Variants in NUBP2 observed in about 807,000 individuals in gnomAD.
NUBP2 encodes cytosolic Fe-S cluster assembly factor NUBP2.
A neutral mutation model predicts 24.9 loss-of-function variants in NUBP2; 23 were observed. That is an observed-to-expected ratio of 0.92 (90% CI 0.66 to 1.31). The LOEUF (loss-of-function observed/expected upper bound fraction) is 1.31. NUBP2 is among the 50% of genes most tolerant of loss of function. The pLI is 0.00. For synonymous variants in NUBP2, 186 were observed against 170.9 expected (o/e 1.09, Z -0.69); for missense variants, 403 against 386.5 (o/e 1.04, Z -0.36).
Position 1,786,821 on chromosome 16 carries a change from GGGCTGTGCACCAGTGCGACCGC to G in NUBP2, c.206_227del (p.Val69GlyfsTer38), listed in dbSNP as rs1896995902. ...CCCCGCATGCTCGGGGCGCAGGGCAGGGCTGTGCACCAGTGCGACCGCGGCTGGGCACCCGTCTTCCTGGACC... is the reference window on the plus strand; with the variant it reads ...CCCCGCATGCTCGGGGCGCAGGGCAGGGCTGGGCACCCGTCTTCCTGGACC... On this transcript the variant is annotated frameshift_variant, in exon 3 of 7. Transcript: ENST00000262302. LOFTEE classifies it high-confidence loss of function. 1 of 1,608,278 alleles carries G rather than the reference GGGCTGTGCACCAGTGCGACCGC, an allele frequency of 6.2e-7. No homozygotes were observed. Among genetic ancestry groups the G allele is most frequent in the Non-Finnish European group, 8.5e-7 (1 of 1,177,014 alleles).
rs765369327 is a variant in NUBP2 at position 1,786,668 on chromosome 16, C to G, written c.135+13C>G. The G allele has an allele frequency of 6.2e-7, 1 of 1,612,202 alleles. No homozygotes were observed. The highest frequency in any genetic ancestry group is 8.5e-7 in the Non-Finnish European group (1 of 1,179,464). The stretch of plus-strand genomic sequence containing the variant: ...TGCAGGCAAGAAGGTGAGCGCCCTA[C>G]CCCTCACTGGGCGGAGCCCCGGGCA... On this transcript the variant is annotated intron_variant, in intron 2 of 6. Coordinates refer to ENST00000262302, the MANE Select transcript of NUBP2 (RefSeq NM_012225.4).
At chr16:1,785,219 C>G in intron 1 of NUBP2, 1 of 1,010,996 alleles carries the variant, frequency 9.9e-7, no homozygotes, top group Non-Finnish European at 1.2e-6. Context: ...GCCCCACTGC[C>G]CCACCCGGCA....
chr16:1,787,588 T>C, intron 3 of NUBP2, 89 bp from the exon 4 acceptor site: 3 of 1,532,602 alleles, frequency 2.0e-6, no homozygotes, highest in South Asian at 1.2e-5. Context: ...CTGCAGCCCC[T>C]CGGCCTGACC....
At chr16:1,783,589 A>C (rs1002250848) in intron 1 of NUBP2, 1 of 724,910 alleles carries the variant, frequency 1.4e-6, no homozygotes, top group African/African-American at 1.9e-5. Context: ...GAGTAGTGGG[A>C]GCCGCATTTA....
chr16:1,785,428 G>T, intron 1 of NUBP2: 1 of 1,181,312 alleles, frequency 8.5e-7, no homozygotes, highest in East Asian at 5.9e-5. Context: ...AGCCCCTGGG[G>T]GTTAACACTG....
At chr16:1,784,186 G>A in intron 1 of NUBP2, 1 of 289,668 alleles carries the variant, frequency 3.5e-6, no homozygotes, top group Non-Finnish European at 5.1e-6. Context: ...GACCTCCTGG[G>A]CTCAAGCGAC....
intron 2 of NUBP2, 26 bp from the exon 3 acceptor site, chr16:1,786,731 G>A (rs778574737): frequency 1.7e-5 from 28 of 1,611,244 alleles, no homozygotes; most frequent in Middle Eastern, 1.6e-4. Flanking sequence ...CGGTGCCCCC[G>A]GCCTAGGCTG....
chr16:1,783,183 G>A, intron 1 of NUBP2, 147 bp downstream of exon 1: 1 of 1,178,932 alleles, frequency 8.5e-7, no homozygotes, highest in Non-Finnish European at 1.0e-6. Flanking sequence ...AGGCCGCGGC[G>A]CGGGCATTTT....
chr16:1,788,445 G>A (rs1897095069), intron 6 of NUBP2, 124 bp from the exon 7 acceptor site: 1 of 1,374,302 alleles, frequency 7.3e-7, no homozygotes, highest in Non-Finnish European at 9.5e-7. Flanking sequence ...GTCTGGAGGT[G>A]GAAATCGTCT....
At chr16:1,787,490 G>A in intron 3 of NUBP2, 187 bp from the exon 4 acceptor site, 1 of 752,160 alleles carries the variant, frequency 1.3e-6, no homozygotes, top group Non-Finnish European at 2.2e-6. Flanking sequence ...CGCTGTAATG[G>A]CCCCGGCCCC....
chr16:1,785,103 T>C (rs1332164679), intron 1 of NUBP2: 3 of 986,206 alleles, frequency 3.0e-6, no homozygotes, highest in South Asian at 4.7e-5. Flanking sequence ...CCACGTGGAA[T>C]GATCTGGATT....
chr16:1,786,592 G>A lies in NUBP2; in HGVS notation c.72G>A (p.Gly24=), dbSNP rs1288525276. 6.2e-7 allele frequency: 1 copy of A among 1,612,314 alleles called. No homozygotes were observed. The highest frequency in any genetic ancestry group is 1.7e-5 in the Admixed American group (1 of 59,986). The part of the protein sequence containing the change: ...RHIILVLSGK[G]GVGKSTISTE... Reference sequence around the variant, plus strand: ...TCATCCTGGTCCTCTCAGGAAAGGGGGGCGTTGGGAAAAGCACCATCTCCA... The same window carrying A: ...TCATCCTGGTCCTCTCAGGAAAGGGAGGCGTTGGGAAAAGCACCATCTCCA... Residue 24 remains glycine (G), a synonymous_variant, in exon 2 of 7, where the codon GGG becomes GGA. Transcript: ENST00000262302.
Position 1,788,195 on chromosome 16 carries a change from G to T in NUBP2, c.658G>T (p.Val220Leu). ...AGAGGAGCTGGCCCAGCTCGCCGGGGTGCCCTTCTTAGGTGAGTGTCCCAA... is the reference window on the plus strand; with the variant it reads ...AGAGGAGCTGGCCCAGCTCGCCGGGTTGCCCTTCTTAGGTGAGTGTCCCAA... Reference protein sequence around the residue: ...GGEELAQLAGVPFLGSVPLDP... With the variant: ...GGEELAQLAGLPFLGSVPLDP... Residue 220 changes from valine (V) to leucine (L), a missense_variant, in exon 6 of 7, where the codon GTG becomes TTG. By Grantham distance (32) the Val-to-Leu change is conservative. Transcript: ENST00000262302. The T allele has an allele frequency of 4.0e-6, 6 of 1,500,928 alleles. No individual in the cohort carries two copies. The highest frequency in any genetic ancestry group is 1.3e-5 in the South Asian group (1 of 75,482). 93.0% of individuals were successfully genotyped at this position (1,500,928 alleles called of 1,614,324 possible). A position where few individuals can be genotyped will look rare whatever the true frequency, so the allele number is the denominator to read the frequency against.
At chr16:1,784,895 G>C (rs1156544921) in intron 1 of NUBP2, 1 of 158,542 alleles carries the variant, frequency 6.3e-6, no homozygotes, top group Non-Finnish European at 1.3e-5. Flanking sequence ...AAATTAGCTG[G>C]GCATGGTGGC....
chr16:1,786,241 C>G, intron 1 of NUBP2: 1 of 449,256 alleles, frequency 2.2e-6, no homozygotes, highest in East Asian at 4.0e-5. Context: ...CACGAAGGAA[C>G]GCATGCACCC....
At position 1,787,769 on chromosome 16, in the gene NUBP2, G is replaced by C. The variant is rs752629906; in HGVS notation, c.427G>C (p.Ala143Pro). 5 of 1,612,388 alleles carry C rather than the reference G, an allele frequency of 3.1e-6. No individual in the cohort carries two copies. Among genetic ancestry groups the C allele is most frequent in the Non-Finnish European group, 3.4e-6 (4 of 1,179,948 alleles). The change falls in exon 4 of 7, where the codon GCC (alanine) becomes CCC (proline). Residue 143 changes from alanine to proline, a missense_variant. Ala to Pro is a conservative substitution (Grantham distance 27). Coordinates refer to ENST00000262302, the MANE Select transcript of NUBP2 (RefSeq NM_012225.4). ...CCCGGGGACCTCCGATGAGCACATGGCCACCATAGAAGCCCTGCGTCCCTA... is the reference window on the plus strand; with the variant it reads ...CCCGGGGACCTCCGATGAGCACATGCCCACCATAGAAGCCCTGCGTCCCTA... The part of the protein sequence containing the change: ...TPPGTSDEHM[A>P]TIEALRPYQP...
intron 3 of NUBP2, 198 bp downstream of exon 3, chr16:1,787,153 C>A (rs1207117303): frequency 1.9e-6 from 1 of 527,242 alleles, no homozygotes; most frequent in Non-Finnish European, 3.3e-6. Context: ...GTCCCCAACT[C>A]CCGGTCAGAG....
rs11540961 is a variant in NUBP2 at position 1,788,702 on chromosome 16, G to C, written c.804G>C (p.Ala268=). ...AGAAGATTCTGGACGCGACGCCCGC[G>C]TGCCTCCCCTGACTAAGGCCACCTT... ...IAQKILDATP[A]CLP The change falls in exon 7 of 7, where the codon GCG becomes GCC. Residue 268 remains alanine, a synonymous_variant. Transcript: ENST00000262302. The C allele has an allele frequency of 1.2e-6, 2 of 1,610,730 alleles. No individual in the cohort carries two copies. The highest frequency in any genetic ancestry group is 1.7e-6 in the Non-Finnish European group (2 of 1,178,834).
intron 1 of NUBP2, chr16:1,784,932 G>A (rs1896892340): frequency 4.6e-6 from 1 of 217,830 alleles, no homozygotes; most frequent in Non-Finnish European, 7.8e-6. Context: ...AGGTACTCTG[G>A]AAGCTGAGGC....
Sources: allele counts gnomAD v4.1 joint callset, GRCh38; gene constraint gnomAD v4.1.1; transcripts MANE v1.5; gene names NCBI Gene and HGNC (gene_info 2026-07-23, HGNC 2026-07-21).